Variants in GPC3 observed in about 807,000 individuals in gnomAD.
GPC3 encodes glypican-3.
A neutral mutation model predicts 34.4 loss-of-function variants in GPC3; 3 were observed. The ratio of observed to expected loss-of-function variants is 0.09; its 90% CI spans 0.04 to 0.23. The LOEUF is 0.23. Ranked by LOEUF, GPC3 falls within the 10% of genes least tolerant of loss-of-function variation. The pLI is 1.00. For missense variants in GPC3, 351 were observed against 445.6 expected (o/e 0.79, Z 1.91); for synonymous variants, 177 against 174.0 (o/e 1.02, Z -0.13).
intron 3 of GPC3, among the ~76,000 whole-genome samples, chrX:133,751,002 G>A (rs2071662346): frequency 9.2e-6 from 1 of 109,016 alleles, no homozygotes; most frequent in Non-Finnish European, 1.9e-5. Flanking sequence ...AGAAGTAGGA[G>A]GTGGAGGTTG....
intron 2 of GPC3, among the ~76,000 whole-genome samples, chrX:133,895,045 C>T (rs749455262): frequency 8.9e-6 from 1 of 112,116 alleles, no homozygotes; most frequent in South Asian, 3.7e-4. Flanking sequence ...AAATAAGATA[C>T]AGTTTGCTAG....
chrX:133,816,298 T>C (rs1341652606), intron 2 of GPC3, among the ~76,000 whole-genome samples: 1 of 111,764 alleles, frequency 8.9e-6, no homozygotes, highest in East Asian at 2.8e-4. Context: ...CAAGGGATCC[T>C]CCTGCCTTGG....
intron 5 of GPC3, among the ~76,000 whole-genome samples, chrX:133,683,538 C>T (rs1224230802): frequency 8.9e-6 from 1 of 112,045 alleles, no homozygotes; most frequent in South Asian, 3.8e-4. Flanking sequence ...AATGATCCAA[C>T]TGAGCTCAAC....
At chrX:133,662,944 AAAT>A (rs1279640582) in intron 5 of GPC3, among the ~76,000 whole-genome samples, 2 of 111,223 alleles carry the variant, frequency 1.8e-5, no homozygotes, top group Non-Finnish European at 3.8e-5. Flanking sequence ...TTTAATTACA[AAAT>A]AATAATGTTC....
chrX:133,567,912 TTCAAAGACACTTTGA>T (rs1369708677), intron 7 of GPC3, among the ~76,000 whole-genome samples: 4 of 112,150 alleles, frequency 3.6e-5, no homozygotes, highest in Non-Finnish European at 7.5e-5. Flanking sequence ...TATGATACCT[TTCAAAGACACTTTGA>T]AAAAAGAGGA....
chrX:133,866,859 A>G (rs767428168), intron 2 of GPC3, among the ~76,000 whole-genome samples: 1 of 111,158 alleles, frequency 9.0e-6, no homozygotes, highest in Admixed American at 9.6e-5. Flanking sequence ...GAAAAGAACC[A>G]ATTATTCTCT....
chrX:133,568,501 G>A (rs1199473107), intron 7 of GPC3, among the ~76,000 whole-genome samples: 3 of 111,863 alleles, frequency 2.7e-5, no homozygotes, highest in African/African-American at 9.7e-5. Flanking sequence ...CAAATTTAAG[G>A]TCTCAGATTC....
chrX:133,933,264 C>T (rs950248835), intron 2 of GPC3, among the ~76,000 whole-genome samples: 7 of 110,681 alleles, frequency 6.3e-5, no homozygotes, highest in Non-Finnish European at 1.3e-4. Flanking sequence ...ATCCAGAGCA[C>T]ATCATTTCTA....
intron 3 of GPC3, among the ~76,000 whole-genome samples, chrX:133,719,909 T>C (rs912880596): frequency 4.6e-4 from 51 of 111,725 alleles, no homozygotes; most frequent in Non-Finnish European, 7.7e-4. Context: ...AGAACATGAA[T>C]AGACAATTCT....
intron 2 of GPC3, among the ~76,000 whole-genome samples, chrX:133,838,131 A>T (rs2075807856): frequency 8.9e-6 from 1 of 112,832 alleles, no homozygotes; most frequent in African/African-American, 3.2e-5. Context: ...CTGGGAAGTT[A>T]TATTATTCAA....
intron 1 of GPC3, among the ~76,000 whole-genome samples, chrX:133,964,346 A>T (rs1323980773): frequency 8.9e-6 from 1 of 112,273 alleles, no homozygotes; most frequent in Non-Finnish European, 1.9e-5. Context: ...GGAAAGCTGC[A>T]GTAGATTGCA....
chrX:133,595,176 G>A (rs1272478971), intron 7 of GPC3, among the ~76,000 whole-genome samples: 1 of 111,737 alleles, frequency 8.9e-6, no homozygotes, highest in Admixed American at 9.5e-5. Flanking sequence ...TTTCAGGTAG[G>A]ATTAGGAAGA....
At chrX:133,936,601 C>T (rs2076324601) in intron 2 of GPC3, among the ~76,000 whole-genome samples, 1 of 112,208 alleles carries the variant, frequency 8.9e-6, no homozygotes. Context: ...ATCTTCTAGA[C>T]TTCAAGCTGA....
At chrX:133,680,526 A>T (rs2070930712) in intron 5 of GPC3, among the ~76,000 whole-genome samples, 2 of 112,332 alleles carry the variant, frequency 1.8e-5, no homozygotes, top group African/African-American at 6.5e-5. Flanking sequence ...AAATTAAAAC[A>T]AATTTCTTTT....
chrX:133,818,787 A>C (rs1432920598), intron 2 of GPC3, among the ~76,000 whole-genome samples: 2 of 111,172 alleles, frequency 1.8e-5, no homozygotes, highest in Non-Finnish European at 3.8e-5. Flanking sequence ...CCCTGTGGGA[A>C]TCTGAGAAGA....
intron 2 of GPC3, among the ~76,000 whole-genome samples, chrX:133,835,167 A>G (rs2075793968): frequency 8.9e-6 from 1 of 112,394 alleles, no homozygotes; most frequent in South Asian, 3.7e-4. Flanking sequence ...GCTTAAATAA[A>G]TAAAAGCTGT....
At chrX:133,854,070 C>A (rs1341962611) in intron 2 of GPC3, among the ~76,000 whole-genome samples, 1 of 111,581 alleles carries the variant, frequency 9.0e-6, no homozygotes, top group African/African-American at 3.3e-5. Flanking sequence ...CCCCATATTT[C>A]TTCTCATCCA....
intron 1 of GPC3, among the ~76,000 whole-genome samples, chrX:133,981,644 T>C (rs750164805): frequency 8.9e-6 from 1 of 112,251 alleles, no homozygotes; most frequent in East Asian, 2.8e-4. Context: ...ACCTCACTTA[T>C]TATTCTCTCT....
At chrX:133,740,863 TTTTGTTTGTTTG>T (rs761032289) in intron 3 of GPC3, among the ~76,000 whole-genome samples, 1 of 110,983 alleles carries the variant, frequency 9.0e-6, no homozygotes, top group African/African-American at 3.3e-5. Flanking sequence ...TGTGTGGGTT[TTTTGTTTGTTTG>T]TTTGTTTGTT....
Sources: gnomAD v4.1 joint callset for allele counts (sites outside exome capture counted in the v4.1 genomes callset) on GRCh38, gnomAD v4.1.1 for gene constraint, MANE v1.5 for transcripts, NCBI Gene and HGNC (gene_info 2026-07-23, HGNC 2026-07-21) for gene names.